Variants in XKR4 observed in about 807,000 individuals in gnomAD.
The protein encoded by XKR4 is XK-related protein 4.
XKR4 carries 12 observed loss-of-function variants against 53.9 expected under a neutral mutation model. The ratio of observed to expected loss-of-function variants is 0.22; its 90% CI spans 0.14 to 0.36. XKR4 has a LOEUF of 0.36. Ranked by LOEUF, XKR4 falls within the 10% of genes least tolerant of loss-of-function variation. XKR4 has a pLI of 1.00. For synonymous variants in XKR4, 354 were observed against 362.4 expected, an observed-to-expected ratio of 0.98 and a Z score of 0.26; for missense variants, 799 against 859.5, an observed-to-expected ratio of 0.93 and a Z score of 0.88.
chr8:55,301,460 G>A (rs1411167069), intron 1 of XKR4, among the ~76,000 whole-genome samples: 1 of 151,910 alleles, frequency 6.6e-6, no homozygotes, highest in Non-Finnish European at 1.5e-5. Flanking sequence ...AAACATACAT[G>A]TGCATGTGTC....
At chr8:55,113,744 G>T (rs569890546) in intron 1 of XKR4, among the ~76,000 whole-genome samples, 4 of 152,004 alleles carry the variant, frequency 2.6e-5, no homozygotes, top group Non-Finnish European at 5.9e-5. Context: ...CCACCTTTTG[G>T]AGTCTCCAGT....
At chr8:55,186,169 A>C (rs935705532) in intron 1 of XKR4, among the ~76,000 whole-genome samples, 1 of 152,166 alleles carries the variant, frequency 6.6e-6, no homozygotes, top group Non-Finnish European at 1.5e-5. Context: ...AAAGATCAAC[A>C]AGTTTGACCC....
At chr8:55,429,351 G>C (rs1805065038) in intron 2 of XKR4, among the ~76,000 whole-genome samples, 1 of 152,042 alleles carries the variant, frequency 6.6e-6, no homozygotes, top group South Asian at 2.1e-4. Context: ...GAAAACCTTG[G>C]GGATCTAGAG....
chr8:55,466,580 A>G (rs1231039219), intron 2 of XKR4, among the ~76,000 whole-genome samples: 1 of 152,068 alleles, frequency 6.6e-6, no homozygotes, highest in Non-Finnish European at 1.5e-5. Flanking sequence ...GCACATGTAT[A>G]CATATGTAAC....
At chr8:55,301,541 T>G (rs1408906570) in intron 1 of XKR4, among the ~76,000 whole-genome samples, 1 of 152,152 alleles carries the variant, frequency 6.6e-6, no homozygotes, top group Non-Finnish European at 1.5e-5. Flanking sequence ...AAATGGTATT[T>G]CTAGTTCAAG....
At chr8:55,132,828 G>A (rs968992422) in intron 1 of XKR4, among the ~76,000 whole-genome samples, 7 of 152,144 alleles carry the variant, frequency 4.6e-5, no homozygotes, top group African/African-American at 1.4e-4. Context: ...ATGGGCGTCC[G>A]AGGCCCAGGA....
intron 1 of XKR4, among the ~76,000 whole-genome samples, chr8:55,246,107 C>T (rs1818283364): frequency 6.6e-6 from 1 of 152,064 alleles, no homozygotes; most frequent in South Asian, 2.1e-4. Flanking sequence ...GTCCTTCTCC[C>T]CTTTCATAGC....
intron 1 of XKR4, among the ~76,000 whole-genome samples, chr8:55,240,113 T>A (rs546763171): frequency 6.6e-6 from 1 of 152,328 alleles, no homozygotes; most frequent in African/African-American, 2.4e-5. Flanking sequence ...CCCCAGCATC[T>A]GGCACAGTGC....
rs1466765582 is a variant in XKR4, at chr8:55,536,822, G to T, written c.*12595G>T. ...GCACACCCTCCTTCACTTGGCCCCTGCCAGGCAAGAAACTTTCTATTCAGT... is the reference window on the plus strand; with the variant it reads ...GCACACCCTCCTTCACTTGGCCCCTTCCAGGCAAGAAACTTTCTATTCAGT... On this transcript the variant is annotated 3_prime_UTR_variant, in exon 3 of 3. Coordinates refer to ENST00000327381, the MANE Select transcript of XKR4 (RefSeq NM_052898.2). 2 of 152,198 alleles carry T rather than the reference G, an allele frequency of 1.3e-5. No individual in the cohort carries two copies. The highest frequency in any genetic ancestry group is 2.9e-5 in the Non-Finnish European group (2 of 68,048). 9.4% of individuals were successfully genotyped at this position (152,198 alleles called of 1,614,324 possible). A position where few individuals can be genotyped will look rare whatever the true frequency, so the allele number is the denominator to read the frequency against.
intron 1 of XKR4, among the ~76,000 whole-genome samples, chr8:55,119,036 T>C (rs1360284553): frequency 6.6e-6 from 1 of 152,170 alleles, no homozygotes; most frequent in African/African-American, 2.4e-5. Flanking sequence ...CATGATTTAA[T>C]TAAACTCAGA....
At chr8:55,158,566 C>A (rs1330052751) in intron 1 of XKR4, among the ~76,000 whole-genome samples, 3 of 152,140 alleles carry the variant, frequency 2.0e-5, no homozygotes, top group African/African-American at 7.2e-5. Flanking sequence ...GTCATGAAAT[C>A]TTTGCCATAT....
chr8:55,450,086 C>A, intron 2 of XKR4: 2 of 721,966 alleles, frequency 2.8e-6, no homozygotes, highest in East Asian at 5.7e-5. Flanking sequence ...GCAGCCTTCA[C>A]GCGGTCCCAG....
intron 2 of XKR4, among the ~76,000 whole-genome samples, chr8:55,385,892 A>G (rs1804302043): frequency 6.6e-6 from 1 of 152,232 alleles, no homozygotes; most frequent in South Asian, 2.1e-4. Flanking sequence ...TGATAGGAAT[A>G]AAAATGTGTT....
chr8:55,433,656 G>A (rs1409542976), intron 2 of XKR4, among the ~76,000 whole-genome samples: 1 of 152,176 alleles, frequency 6.6e-6, no homozygotes, highest in Admixed American at 6.5e-5. Flanking sequence ...CAAAAAGATC[G>A]AAGAGGAGAG....
rs1388788228 is a variant in XKR4, at chr8:55,508,385, A to C, written c.1007-14896A>C. On this transcript the variant is annotated intron_variant, in intron 2 of 2. Transcript: ENST00000327381. ...ATTCAATTCTGTTCAATTCAATACA[A>C]CTTATCAAATAATTATCAATTGTGC... Among the ~76,000 whole-genome samples the C allele has an allele frequency of 2.6e-5, 4 of 152,222 alleles. 1 individual carries two copies. In the South Asian group the frequency reaches 8.3e-4, roughly 32 times the overall value.
chr8:55,517,025 AGAG>A (rs1360739157), intron 2 of XKR4, among the ~76,000 whole-genome samples: 1 of 152,184 alleles, frequency 6.6e-6, no homozygotes, highest in Non-Finnish European at 1.5e-5. Flanking sequence ...TAACTCAGAA[AGAG>A]GAGGTCAAAT....
At chr8:55,231,621 G>A (rs1447878794) in intron 1 of XKR4, among the ~76,000 whole-genome samples, 5 of 142,784 alleles carry the variant, frequency 3.5e-5, no homozygotes, top group Admixed American at 2.1e-4. Flanking sequence ...AGGGATGATC[G>A]ATCATATTTT....
intron 1 of XKR4, among the ~76,000 whole-genome samples, chr8:55,226,277 C>A (rs1439698342): frequency 1.3e-5 from 2 of 152,132 alleles, no homozygotes; most frequent in African/African-American, 4.8e-5. Flanking sequence ...GAGTATAAAT[C>A]TTTTCTCAGG....
chr8:55,274,007 G>C (rs1285984853), intron 1 of XKR4, among the ~76,000 whole-genome samples: 1 of 152,168 alleles, frequency 6.6e-6, no homozygotes, highest in African/African-American at 2.4e-5. Context: ...GAAGAATACA[G>C]GAATGAGGCT....
Sources: gnomAD v4.1 joint callset for allele counts (sites outside exome capture counted in the v4.1 genomes callset) on GRCh38, gnomAD v4.1.1 for gene constraint, MANE v1.5 for transcripts, NCBI Gene and HGNC (gene_info 2026-07-23, HGNC 2026-07-21) for gene names.